The following AKAP12 variants were observed in gnomAD, a reference collection of about 807,000 sequenced individuals.
AKAP12 encodes A-kinase anchoring protein 12, also known as A-kinase anchor protein 12.
A neutral mutation model predicts 79.9 loss-of-function variants in AKAP12; 32 were observed. The ratio of observed to expected loss-of-function variants is 0.40; its 90% CI spans 0.30 to 0.54. The LOEUF is 0.54. Among genes scored for constraint, AKAP12 ranks in the 20% least tolerant of loss-of-function variants. AKAP12 has a pLI of 0.48. For synonymous variants in AKAP12, 808 were observed against 857.0 expected (o/e 0.94, Z 1.00); for missense variants, 2,074 against 2,177.0 (o/e 0.95, Z 0.94).
chr6:151,294,509 C>T (rs1776684542), intron 2 of AKAP12, among the ~76,000 whole-genome samples: 1 of 152,238 alleles, frequency 6.6e-6, no homozygotes, highest in African/African-American at 2.4e-5. Context: ...TAATGAGCTT[C>T]TCTCTGTCCT....
In AKAP12 at chr6:151,240,691, C is replaced by T; in HGVS notation, c.129C>T (p.Asp43=). ...AGGCGGCGCCAGACACCACCGCGGA[C>T]CCCGCCATCGCTGCCTCGGACCCCG... ...SAEAAPDTTA[D]PAIAASDPAT... The change falls in exon 2 of 5, where the codon GAC becomes GAT. Residue 43 remains aspartate, a synonymous_variant. Coordinates refer to ENST00000402676, the MANE Select transcript of AKAP12 (RefSeq NM_005100.4). 1 of 1,283,406 alleles carries T rather than the reference C, an allele frequency of 7.8e-7. No homozygotes were observed. Among genetic ancestry groups the T allele is most frequent in the Non-Finnish European group, 9.8e-7 (1 of 1,017,542 alleles). 79.5% of individuals were successfully genotyped at this position (1,283,406 alleles called of 1,614,324 possible).
chr6:151,317,435 C>T (rs914612669), intron 3 of AKAP12, among the ~76,000 whole-genome samples: 1 of 152,104 alleles, frequency 6.6e-6, no homozygotes, highest in Non-Finnish European at 1.5e-5. Context: ...AAACATCTCC[C>T]GAGAAAATAA....
At chr6:151,255,318 A>G (rs925958995) in intron 2 of AKAP12, among the ~76,000 whole-genome samples, 8 of 151,988 alleles carry the variant, frequency 5.3e-5, no homozygotes, top group Non-Finnish European at 4.4e-5. Flanking sequence ...GGCATGCACC[A>G]CCACGCCGGC....
chr6:151,262,293 T>C (rs948794776), intron 2 of AKAP12, among the ~76,000 whole-genome samples: 12 of 152,210 alleles, frequency 7.9e-5, no homozygotes, highest in Non-Finnish European at 1.8e-4. Context: ...GCTGGTCTGC[T>C]ACACGTTCTT....
chr6:151,304,600 C>A (rs572038544), intron 2 of AKAP12, among the ~76,000 whole-genome samples: 1 of 148,602 alleles, frequency 6.7e-6, no homozygotes, highest in East Asian at 2.0e-4. Context: ...TTTCTCGCTC[C>A]GTCACCCAGG....
At chr6:151,303,586 T>C (rs1776905563) in intron 2 of AKAP12, among the ~76,000 whole-genome samples, 1 of 152,226 alleles carries the variant, frequency 6.6e-6, no homozygotes, top group African/African-American at 2.4e-5. Flanking sequence ...GTTCAGGGTC[T>C]AAGTCAGTGG....
chr6:151,312,066 G>A (rs1176660904), intron 3 of AKAP12, among the ~76,000 whole-genome samples: 1 of 152,112 alleles, frequency 6.6e-6, no homozygotes, highest in Non-Finnish European at 1.5e-5. Flanking sequence ...TATCTTGTTA[G>A]AAGTGCCTGT....
Position 151,240,596 on chromosome 6 carries a change from C to A in AKAP12, c.34C>A (p.Pro12Thr). 2 of 1,426,822 alleles carry A rather than the reference C, an allele frequency of 1.4e-6. No homozygotes were observed. The highest frequency in any genetic ancestry group is 1.4e-5 in the South Asian group (1 of 70,534). The allele number at this position is 1,426,822 out of a possible 1,614,324, so 88.4% of individuals were successfully genotyped here. The change falls in exon 2 of 5, where the codon CCG becomes ACG. Residue 12 changes from proline to threonine, a missense_variant. Coordinates refer to ENST00000402676, the MANE Select transcript of AKAP12 (RefSeq NM_005100.4). ...GAGSSTEQRS[P>T]EQPPEGSSTP... ...CGGGAGCTCCACCGAGCAGCGCAGC[C>A]CGGAGCAGCCGCCCGAGGGGAGCTC... is the stretch of plus-strand genomic sequence containing the variant.
chr6:151,282,864 A>T (rs1776435856), intron 2 of AKAP12, among the ~76,000 whole-genome samples: 1 of 152,220 alleles, frequency 6.6e-6, no homozygotes, highest in Non-Finnish European at 1.5e-5. Flanking sequence ...TATTATGTAT[A>T]AAGTGCTAGA....
At position 151,261,733 on chromosome 6, in the gene AKAP12, T is replaced by TTTTATTTATTTA. The variant is rs59211098; in HGVS notation, c.162+21039_162+21050dup. On this transcript the variant is annotated intron_variant, in intron 2 of 4. Transcript: ENST00000402676. ...ACAAGAACAACAGTGGTTTTTATTATTTTATTTATTTATTTATTTATTTAT... is the reference window on the plus strand; with the variant it reads ...ACAAGAACAACAGTGGTTTTTATTATTTTATTTATTTATTTATTTATTTATTTATTTATTTAT... Among the ~76,000 whole-genome samples, 809 of 144,018 alleles carry TTTTATTTATTTA rather than the reference T, an allele frequency of 5.6e-3. 7 individuals carry two copies. The highest frequency in any genetic ancestry group is 0.025 in the East Asian group (116 of 4,658). 94.5% of individuals were successfully genotyped at this position (144,018 alleles called of 152,430 possible).
chr6:151,312,203 A>T (rs1190901165), intron 3 of AKAP12, among the ~76,000 whole-genome samples: 1 of 152,124 alleles, frequency 6.6e-6, no homozygotes, highest in African/African-American at 2.4e-5. Context: ...AGGTGCGGTG[A>T]CTTACAACGG....
In AKAP12 at chr6:151,349,255, G is replaced by T; in HGVS notation, c.864G>T (p.Val288=). The part of the protein sequence containing the change: ...SKSAESPTSP[V]TSETGSTFKK... ...CTGCAGAATCTCCGACTAGTCCCGT[G>T]ACCAGTGAAACAGGATCAACCTTCA... is the stretch of plus-strand genomic sequence containing the variant. Residue 288 remains valine, a synonymous_variant, in exon 4 of 5, where the codon GTG becomes GTT. Transcript: ENST00000402676. 6.2e-7 allele frequency: 1 copy of T among 1,613,604 alleles called. No homozygotes were observed. Among genetic ancestry groups the T allele is most frequent in the South Asian group, 1.1e-5 (1 of 91,052 alleles).
chr6:151,267,208 G>C (rs1161790602), intron 2 of AKAP12, among the ~76,000 whole-genome samples: 1 of 151,968 alleles, frequency 6.6e-6, no homozygotes, highest in African/African-American at 2.4e-5. Context: ...TAGGGGAGAA[G>C]GTTAAAAATT....
intron 3 of AKAP12, among the ~76,000 whole-genome samples, chr6:151,309,297 G>A (rs1777040918): frequency 6.6e-6 from 1 of 152,158 alleles, no homozygotes; most frequent in Non-Finnish European, 1.5e-5. Flanking sequence ...GGACACCTTT[G>A]TTTCTACCAC....
intron 3 of AKAP12, among the ~76,000 whole-genome samples, chr6:151,341,452 T>TA (rs1160980390): frequency 6.6e-6 from 1 of 152,282 alleles, no homozygotes; most frequent in East Asian, 1.9e-4. Flanking sequence ...GGCTTGGGTT[T>TA]GAAGAGACCC....
intron 3 of AKAP12, among the ~76,000 whole-genome samples, chr6:151,345,893 A>G (rs962895706): frequency 3.5e-4 from 29 of 82,396 alleles, no homozygotes; most frequent in Admixed American, 1.3e-3. Flanking sequence ...ATGTGTGTGT[A>G]TATGTGTGTG....
rs761552522 is a variant in AKAP12, at chr6:151,350,762, C to T, written c.2371C>T (p.His791Tyr). The T allele has an allele frequency of 1.9e-6, 3 of 1,613,906 alleles. No homozygotes were observed. The highest frequency in any genetic ancestry group is 3.3e-5 in the Admixed American group (2 of 59,972). The change falls in exon 4 of 5, where the codon CAT becomes TAT. Residue 791 changes from histidine to tyrosine, a missense_variant. Transcript: ENST00000402676. This position sits in a 1 kb window ranked among gnomAD's most constrained non-coding sequence, Gnocchi z 4.8. ...CTCCATAGCTGGGTCTGGTGTAGAACATTCCACTCCAGACACTGAACCCGG... is the reference window on the plus strand; with the variant it reads ...CTCCATAGCTGGGTCTGGTGTAGAATATTCCACTCCAGACACTGAACCCGG... ...EDSIAGSGVEHSTPDTEPGKE... is the reference protein window; with the variant it reads ...EDSIAGSGVEYSTPDTEPGKE...
In AKAP12 at chr6:151,351,068, G is replaced by T. The variant is rs757487033; in HGVS notation, c.2677G>T (p.Ala893Ser). Reference protein sequence around the residue: ...ELSESQVHMMAAAVADGTRAA... With the variant: ...ELSESQVHMMSAAVADGTRAA... ...CAGCGAGAGTCAGGTTCATATGATG[G>T]CAGCAGCTGTCGCTGACGGGACGAG... Residue 893 changes from alanine (A) to serine (S), a missense_variant, in exon 4 of 5, where the codon GCA (alanine) becomes TCA (serine). By Grantham distance (99) the Ala-to-Ser change is moderately conservative (BLOSUM62 1). This residue lies in a region of AKAP12 where 1,428 missense variants were observed against 1,451.0 expected (regional missense o/e 0.98). Coordinates refer to ENST00000402676, the MANE Select transcript of AKAP12 (RefSeq NM_005100.4). This position sits in a 1 kb window ranked among gnomAD's most constrained non-coding sequence, Gnocchi z 4.4. The T allele has an allele frequency of 3.1e-6, 5 of 1,614,138 alleles. No individual in the cohort carries two copies. Among genetic ancestry groups the T allele is most frequent in the Non-Finnish European group, 4.2e-6 (5 of 1,180,030 alleles).
intron 3 of AKAP12, chr6:151,325,015 C>A (rs920224179): frequency 1.5e-5 from 15 of 985,308 alleles, no homozygotes; most frequent in South Asian, 9.4e-5. Flanking sequence ...TAGAAAAAGA[C>A]CCCATGCTCA....
Sources: gnomAD v4.1 joint callset for allele counts (sites outside exome capture counted in the v4.1 genomes callset) on GRCh38, gnomAD v4.1.1 for gene constraint, gnomAD v4.1.1 regional missense constraint, Gnocchi (gnomAD v3.1) non-coding constraint, MANE v1.5 for transcripts, NCBI Gene and HGNC (gene_info 2026-07-23, HGNC 2026-07-21) for gene names.